Variants in ALCAM observed in about 807,000 individuals in gnomAD.
ALCAM encodes the protein CD166 antigen.
Under a neutral mutation model 70.9 loss-of-function variants are expected in ALCAM, and 30 were observed. That is an observed-to-expected ratio of 0.42 (90% confidence interval 0.32 to 0.57). ALCAM has a LOEUF of 0.57. Ranked by LOEUF, ALCAM falls within the 20% of genes least tolerant of loss-of-function variation. The pLI is 0.11. For synonymous variants in ALCAM, 249 were observed against 242.5 expected (o/e 1.03, Z -0.25); for missense variants, 591 against 695.1 (o/e 0.85, Z 1.68).
intron 6 of ALCAM, among the ~76,000 whole-genome samples, chr3:105,536,430 A>G (rs922366615): frequency 4.6e-4 from 70 of 152,138 alleles, no homozygotes; most frequent in African/African-American, 1.7e-3. Flanking sequence ...AATTGGAAAT[A>G]AACCATATTA....
intron 1 of ALCAM, among the ~76,000 whole-genome samples, chr3:105,463,191 G>A (rs552237832): frequency 2.0e-5 from 3 of 151,446 alleles, no homozygotes; most frequent in Non-Finnish European, 4.4e-5. Flanking sequence ...ATAACCCAAA[G>A]GACCATTCCA....
chr3:105,553,164 A>T, intron 14 of ALCAM: 3 of 880,756 alleles, frequency 3.4e-6, no homozygotes, highest in Non-Finnish European at 4.1e-6. Context: ...TGCTTTAGAG[A>T]TGTTAAACAT....
intron 3 of ALCAM, chr3:105,524,739 C>T: frequency 1.6e-6 from 2 of 1,277,430 alleles, no homozygotes; most frequent in Non-Finnish European, 2.0e-6. Context: ...TTCTCTGTTA[C>T]TTTGTCATGT....
intron 1 of ALCAM, among the ~76,000 whole-genome samples, chr3:105,464,958 G>A (rs1033576088): frequency 1.4e-4 from 21 of 151,400 alleles, no homozygotes; most frequent in African/African-American, 4.6e-4. Context: ...TGTACCCAGC[G>A]CATAGAAAAC....
rs71111369 is a variant in ALCAM at position 105,568,063 on chromosome 3, A to ATT, written c.1665-3775_1665-3774dup. Reference sequence around the variant, plus strand: ...TTTTTTTATTATTTTATTTTATTTTATTTTTTTTTTTTTTTGAGATGGAGT... The same window carrying ATT: ...TTTTTTTATTATTTTATTTTATTTTATTTTTTTTTTTTTTTTTGAGATGGAGT... On this transcript the variant is annotated intron_variant, in intron 14 of 15. Coordinates refer to ENST00000306107, the MANE Select transcript of ALCAM (RefSeq NM_001627.4). 1.8e-3 allele frequency among the ~76,000 whole-genome samples: 207 copies of ATT among 116,948 alleles called. 1 individual carries two copies. Among genetic ancestry groups the ATT allele is most frequent in the African/African-American group, 5.2e-3 (168 of 32,434 alleles). The allele number at this position is 116,948 out of a possible 152,430, so 76.7% of individuals were successfully genotyped here. A position where few individuals can be genotyped will look rare whatever the true frequency, so the allele number is the denominator to read the frequency against.
chr3:105,393,794 A>G (rs1489704530), intron 1 of ALCAM, among the ~76,000 whole-genome samples: 3 of 151,964 alleles, frequency 2.0e-5, no homozygotes, highest in Admixed American at 6.6e-5. Flanking sequence ...GGTACCTTCT[A>G]TAACCATAAT....
intron 14 of ALCAM, among the ~76,000 whole-genome samples, chr3:105,556,445 A>T (rs929029526): frequency 6.6e-6 from 1 of 152,070 alleles, no homozygotes; most frequent in Non-Finnish European, 1.5e-5. Flanking sequence ...GACTATTTTC[A>T]TGAAAATTAG....
At chr3:105,440,156 C>A (rs1177710620) in intron 1 of ALCAM, among the ~76,000 whole-genome samples, 1 of 151,984 alleles carries the variant, frequency 6.6e-6, no homozygotes, top group Non-Finnish European at 1.5e-5. Flanking sequence ...AGGAAAAAAC[C>A]AAGTCATAAC....
chr3:105,404,678 A>AG (rs1936176118), intron 1 of ALCAM, among the ~76,000 whole-genome samples: 1 of 151,710 alleles, frequency 6.6e-6, no homozygotes, highest in African/African-American at 2.4e-5. Flanking sequence ...ACACAATGAA[A>AG]AAAAAAACAA....
chr3:105,494,312 A>G (rs956678413), intron 1 of ALCAM, among the ~76,000 whole-genome samples: 2 of 152,202 alleles, frequency 1.3e-5, no homozygotes, highest in African/African-American at 2.4e-5. Flanking sequence ...TCTTTTAATC[A>G]GAGGTATTTC....
intron 6 of ALCAM, among the ~76,000 whole-genome samples, chr3:105,538,450 A>T (rs1223683840): frequency 1.3e-5 from 2 of 152,186 alleles, no homozygotes; most frequent in African/African-American, 2.4e-5. Context: ...ACGTTAGTGG[A>T]CATGCAGAGA....
intron 1 of ALCAM, among the ~76,000 whole-genome samples, chr3:105,373,591 G>A (rs1935298828): frequency 6.6e-6 from 1 of 152,098 alleles, no homozygotes; most frequent in South Asian, 2.1e-4. Flanking sequence ...TGTTGATAAT[G>A]ACTAAAGTGA....
At chr3:105,444,695 C>G (rs1052795690) in intron 1 of ALCAM, among the ~76,000 whole-genome samples, 1 of 152,098 alleles carries the variant, frequency 6.6e-6, no homozygotes, top group Non-Finnish European at 1.5e-5. Context: ...CAATTAGAAC[C>G]AAAATGCTTA....
chr3:105,368,264 A>AGAGAGAGAGAGAG (rs1559767087), intron 1 of ALCAM, among the ~76,000 whole-genome samples: 308 of 141,936 alleles, frequency 2.2e-3, no homozygotes, highest in East Asian at 3.8e-3. Flanking sequence ...AGAGAGAGAG[A>AGAGAGAGAGAGAG]AAAGGCAAAA....
At chr3:105,467,703 G>T (rs1034237273) in intron 1 of ALCAM, among the ~76,000 whole-genome samples, 12 of 150,992 alleles carry the variant, frequency 7.9e-5, no homozygotes, top group African/African-American at 2.9e-4. Flanking sequence ...TTTTCATGTT[G>T]GTTCTTACTG....
intron 1 of ALCAM, among the ~76,000 whole-genome samples, chr3:105,419,882 C>T (rs1936600734): frequency 6.6e-6 from 1 of 151,730 alleles, no homozygotes; most frequent in Non-Finnish European, 1.5e-5. Flanking sequence ...AAATAATAAA[C>T]ATATAATTCA....
chr3:105,382,807 T>C (rs910505869), intron 1 of ALCAM, among the ~76,000 whole-genome samples: 1 of 151,996 alleles, frequency 6.6e-6, no homozygotes, highest in Non-Finnish European at 1.5e-5. Flanking sequence ...TTCTTGTAAA[T>C]TTGTTGGAAT....
At position 105,411,309 on chromosome 3, in the gene ALCAM, G is replaced by A. The variant is rs139862500; in HGVS notation, c.73+43828G>A. On this transcript the variant is annotated intron_variant, in intron 1 of 15. Coordinates refer to ENST00000306107, the MANE Select transcript of ALCAM (RefSeq NM_001627.4). ...AGGAGGTTATCCTCAATATATTAAG[G>A]CATTCCAGTTCACTTCTGGATGTCC... Among the ~76,000 whole-genome samples, 28 of 152,190 alleles carry A rather than the reference G, an allele frequency of 1.8e-4. 1 individual carries two copies. The East Asian group carries it at 3.3e-3, about 18-fold the overall frequency.
intron 1 of ALCAM, among the ~76,000 whole-genome samples, chr3:105,459,171 C>A (rs917896171): frequency 7.2e-5 from 11 of 152,088 alleles, no homozygotes; most frequent in Admixed American, 4.6e-4. Context: ...GCAGAATATT[C>A]TCTCATATTT....
Sources: gnomAD v4.1 joint callset for allele counts (sites outside exome capture counted in the v4.1 genomes callset) on GRCh38, gnomAD v4.1.1 for gene constraint, MANE v1.5 for transcripts, NCBI Gene and HGNC (gene_info 2026-07-23, HGNC 2026-07-21) for gene names.